The following KAT2B variants were observed in gnomAD, a reference collection of about 807,000 sequenced individuals.
KAT2B encodes the protein histone acetyltransferase KAT2B.
KAT2B carries 36 observed loss-of-function variants against 105.9 expected under a neutral mutation model. The observed-to-expected ratio is 0.34, with a 90% CI of 0.26 to 0.45. The LOEUF (loss-of-function observed/expected upper bound fraction) is 0.45. Among genes scored for constraint, KAT2B ranks in the 20% least tolerant of loss-of-function variants. The pLI is 1.00. For missense variants in KAT2B, 820 were observed against 1,021.6 expected (o/e 0.80, Z 2.69); for synonymous variants, 397 against 377.9 (o/e 1.05, Z -0.59).
intron 1 of KAT2B, among the ~76,000 whole-genome samples, chr3:20,063,144 T>A (rs921293215): frequency 2.6e-5 from 4 of 152,050 alleles, no homozygotes; most frequent in African/African-American, 9.7e-5. Context: ...CATGGCCCAT[T>A]GCTGCCTCGA....
intron 13 of KAT2B, among the ~76,000 whole-genome samples, chr3:20,145,527 G>A (rs1169771227): frequency 1.2e-5 from 1 of 81,182 alleles, no homozygotes; most frequent in Non-Finnish European, 2.8e-5. Context: ...GTTATGATAT[G>A]TTTAATTTCC....
intron 2 of KAT2B, among the ~76,000 whole-genome samples, chr3:20,094,314 A>G (rs1488144977): frequency 2.0e-5 from 3 of 152,028 alleles, no homozygotes; most frequent in Admixed American, 6.6e-5. Flanking sequence ...ATCAGATCTC[A>G]TGAGAACTCA....
rs182434645 is a variant in KAT2B, at chr3:20,075,893, C to G, written c.430+3434C>G. Among the ~76,000 whole-genome samples the G allele has an allele frequency of 1.9e-3, 281 of 144,220 alleles. 2 individuals are homozygous for G. Among genetic ancestry groups the G allele is most frequent in the African/African-American group, 7.0e-3 (268 of 38,140 alleles). 94.6% of individuals were successfully genotyped at this position (144,220 alleles called of 152,430 possible). ...CACCACTGCAGCCTGGGCGACAGAGCGAGACTCCCATCTCAAAAAAAAAAA... is the reference window on the plus strand; with the variant it reads ...CACCACTGCAGCCTGGGCGACAGAGGGAGACTCCCATCTCAAAAAAAAAAA... On this transcript the variant is annotated intron_variant, in intron 2 of 17. Coordinates refer to ENST00000263754, the MANE Select transcript of KAT2B (RefSeq NM_003884.5).
rs1371736203 is a variant in KAT2B at position 20,148,385 on chromosome 3, C to CT, written c.2221-12dup. 4 of 1,609,830 alleles carry CT rather than the reference C, an allele frequency of 2.5e-6. No individual in the cohort carries two copies. In the African/African-American group the frequency reaches 5.4e-5, roughly 22 times the overall value. ...TGGAATTTCCATATTAGATACCTTA[C>CT]TTTTTTCTTTACCCAAGAGCCATCA... On this transcript the variant is annotated splice_polypyrimidine_tract_variant and intron_variant, in intron 16 of 17. Coordinates refer to ENST00000263754, the MANE Select transcript of KAT2B (RefSeq NM_003884.5).
chr3:20,075,632 C>T (rs146740276), intron 2 of KAT2B, among the ~76,000 whole-genome samples: 147 of 152,256 alleles, frequency 9.7e-4, no homozygotes, highest in African/African-American at 3.3e-3. Context: ...CAAGGAAACA[C>T]TTCAGTTTAC....
chr3:20,071,145 CATTGTT>C (rs1312059685), intron 1 of KAT2B, among the ~76,000 whole-genome samples: 29 of 151,996 alleles, frequency 1.9e-4, no homozygotes, highest in African/African-American at 7.0e-4. Context: ...GTAATATAAA[CATTGTT>C]AATGATGTAT....
intron 1 of KAT2B, among the ~76,000 whole-genome samples, chr3:20,062,321 T>A (rs1372209519): frequency 9.9e-6 from 1 of 101,446 alleles, no homozygotes; most frequent in African/African-American, 4.0e-5. Context: ...ATATATAAAA[T>A]ATTTATTATG....
At chr3:20,080,985 A>G (rs1386165448) in intron 2 of KAT2B, among the ~76,000 whole-genome samples, 1 of 152,172 alleles carries the variant, frequency 6.6e-6, no homozygotes, top group Non-Finnish European at 1.5e-5. Flanking sequence ...CTCTCATCTA[A>G]TGGGCTCTTA....
rs541769281 is a variant in KAT2B, at chr3:20,095,757, C to T, written c.576+349C>T. On this transcript the variant is annotated intron_variant, in intron 3 of 17. Coordinates refer to ENST00000263754, the MANE Select transcript of KAT2B (RefSeq NM_003884.5). ...CAGTGGACAAAACAGAGTTCTTCCC[C>T]TCATGCAATATATATTTCAGCAGAA... Among the ~76,000 whole-genome samples, 6 of 152,298 alleles carry T rather than the reference C, an allele frequency of 3.9e-5. No individual in the cohort carries two copies. The East Asian group carries it at 7.7e-4, about 20-fold the overall frequency.
chr3:20,053,501 C>T (rs1361564349), intron 1 of KAT2B, among the ~76,000 whole-genome samples: 1 of 152,160 alleles, frequency 6.6e-6, no homozygotes, highest in Non-Finnish European at 1.5e-5. Flanking sequence ...TGCTGCTGCA[C>T]TGTAGTTTGG....
chr3:20,069,265 A>G (rs1235077028), intron 1 of KAT2B, among the ~76,000 whole-genome samples: 2 of 152,154 alleles, frequency 1.3e-5, no homozygotes, highest in African/African-American at 4.8e-5. Context: ...AAGGAAAAGG[A>G]CCTTGAGCTG....
At chr3:20,136,868 T>C in intron 11 of KAT2B, 74 bp from the exon 12 acceptor site, 1 of 720,502 alleles carries the variant, frequency 1.4e-6, no homozygotes, top group East Asian at 2.6e-5. Context: ...GAATTCACCA[T>C]CATTTCCTGA....
chr3:20,075,309 A>C (rs575814426), intron 2 of KAT2B, among the ~76,000 whole-genome samples: 1 of 151,810 alleles, frequency 6.6e-6, no homozygotes, highest in African/African-American at 2.4e-5. Flanking sequence ...ACTTTTTTCT[A>C]TTTTACTCAA....
chr3:20,045,417 C>T (rs921917902), intron 1 of KAT2B, among the ~76,000 whole-genome samples: 2 of 151,820 alleles, frequency 1.3e-5, no homozygotes, highest in African/African-American at 4.8e-5. Flanking sequence ...CTGGCACGAT[C>T]ATAGCTCACT....
chr3:20,140,611 C>T (rs1353540612), intron 13 of KAT2B, among the ~76,000 whole-genome samples: 1 of 152,144 alleles, frequency 6.6e-6, no homozygotes, highest in African/African-American at 2.4e-5. Context: ...GTACCTCAGC[C>T]TCCCGAGTAG....
At chr3:20,135,932 T>G (rs1699592193) in intron 11 of KAT2B, among the ~76,000 whole-genome samples, 1 of 152,220 alleles carries the variant, frequency 6.6e-6, no homozygotes, top group Non-Finnish European at 1.5e-5. Flanking sequence ...ATATGATGCC[T>G]GAAAATGAAT....
At chr3:20,096,267 C>T (rs1418524641) in intron 3 of KAT2B, among the ~76,000 whole-genome samples, 2 of 152,150 alleles carry the variant, frequency 1.3e-5, no homozygotes, top group African/African-American at 4.8e-5. Flanking sequence ...TGCCATTCCC[C>T]GTAGCTGCCT....
intron 1 of KAT2B, among the ~76,000 whole-genome samples, chr3:20,053,674 G>A (rs1041381340): frequency 5.3e-5 from 8 of 152,174 alleles, no homozygotes; most frequent in African/African-American, 1.9e-4. Flanking sequence ...AAAATCAATT[G>A]TATATGAAGG....
intron 2 of KAT2B, among the ~76,000 whole-genome samples, chr3:20,083,001 G>T (rs767052616): frequency 6.6e-6 from 1 of 152,152 alleles, no homozygotes; most frequent in African/African-American, 2.4e-5. Flanking sequence ...ACAGTAGGGG[G>T]TGCTTATTAA....
Sources: allele counts gnomAD v4.1 joint callset (sites outside exome capture counted in the v4.1 genomes callset), GRCh38; gene constraint gnomAD v4.1.1; transcripts MANE v1.5; gene names NCBI Gene and HGNC (gene_info 2026-07-23, HGNC 2026-07-21).